Variants in TNNT2 observed in about 807,000 individuals in gnomAD.
The protein encoded by TNNT2 is troponin T, cardiac muscle.
TNNT2 carries 34 observed loss-of-function variants against 62.4 expected under a neutral mutation model. The ratio of observed to expected loss-of-function variants is 0.54; its 90% CI spans 0.41 to 0.72. The LOEUF is 0.72. Ranked by LOEUF, TNNT2 falls within the 30% of genes least tolerant of loss-of-function variation. The pLI, the probability that TNNT2 is intolerant of heterozygous loss-of-function variation, is 0.00. For missense variants in TNNT2, 275 were observed against 381.9 expected, an observed-to-expected ratio of 0.72 and a Z score of 2.33; for synonymous variants, 123 against 127.2, an observed-to-expected ratio of 0.97 and a Z score of 0.22.
intron 2 of TNNT2, among the ~76,000 whole-genome samples, chr1:201,372,670 T>TGAGGG (rs1306028472): frequency 6.6e-6 from 1 of 152,168 alleles, no homozygotes; most frequent in Non-Finnish European, 1.5e-5. Context: ...GTAAGTTCTG[T>TGAGGG]GAGGGCAGTA....
intron 12 of TNNT2, 58 bp downstream of exon 12, chr1:201,363,238 C>A: frequency 6.2e-7 from 1 of 1,612,568 alleles, no homozygotes; most frequent in Non-Finnish European, 8.5e-7. Context: ...GCAGTGGACA[C>A]CTCATTCCTC....
chr1:201,373,225 C>T lies in TNNT2; in HGVS notation c.30G>A (p.Glu10=), dbSNP rs1259369775. The change falls in exon 2 of 17, where the codon GAG becomes GAA. Residue 10 remains glutamate, a synonymous_variant. Coordinates refer to ENST00000656932, the MANE Select transcript of TNNT2 (RefSeq NM_001276345.2). ...CTCCAGATACTCACTCCTCCTCGTA[C>T]TCTTCCACCACCTCTTCTATGTCAG... The part of the protein sequence containing the change: MSDIEEVVE[E]YEEEEQEEAA... The T allele has an allele frequency of 6.2e-7, 1 of 1,614,200 alleles. No homozygotes were observed.
chr1:201,373,304 G>T, intron 1 of TNNT2, 36 bp from the exon 2 acceptor site: 14 of 1,592,168 alleles, frequency 8.8e-6, no homozygotes, highest in Non-Finnish European at 1.2e-5. Flanking sequence ...CAGGTACAAA[G>T]GGAAGCCTGC....
chr1:201,372,160 G>T lies in TNNT2; in HGVS notation c.42-5C>A. 6.2e-7 allele frequency: 1 copy of T among 1,614,120 alleles called. No homozygotes were observed. Among genetic ancestry groups the T allele is most frequent in the Non-Finnish European group, 8.5e-7 (1 of 1,180,026 alleles). ...TTACGCTTACCTTCCTGCTCCCTGA[G>T]AGCAACAGGAAACACTGTCAGTAGC... is the stretch of plus-strand genomic sequence containing the variant. On this transcript the variant is annotated splice_polypyrimidine_tract_variant and splice_region_variant and intron_variant, in intron 2 of 16. Transcript: ENST00000656932.
intron 8 of TNNT2, chr1:201,366,477 T>G: frequency 8.6e-7 from 1 of 1,169,382 alleles, no homozygotes; most frequent in Non-Finnish European, 1.1e-6. Flanking sequence ...GTTTCATTGT[T>G]TGGCTCCCCA....
At position 201,368,161 on chromosome 1, in the gene TNNT2, C is replaced by T. The variant is rs113051005; in HGVS notation, c.163+1G>A. 6.2e-7 allele frequency: 1 copy of T among 1,614,106 alleles called. No homozygotes were observed. Among genetic ancestry groups the T allele is most frequent in the Non-Finnish European group, 8.5e-7 (1 of 1,179,984 alleles). ...CCCTGCACCCTCAACCAGAGACTTACCTTCTGCCCTGGTCTCCTCGGTCTC... is the reference window on the plus strand; with the variant it reads ...CCCTGCACCCTCAACCAGAGACTTATCTTCTGCCCTGGTCTCCTCGGTCTC... On this transcript the variant is annotated splice_donor_variant, in intron 6 of 16. Coordinates refer to ENST00000656932, the MANE Select transcript of TNNT2 (RefSeq NM_001276345.2). LOFTEE classifies it high-confidence loss of function.
At chr1:201,370,974 A>G (rs908737293) in intron 4 of TNNT2, among the ~76,000 whole-genome samples, 1 of 152,200 alleles carries the variant, frequency 6.6e-6, no homozygotes, top group African/African-American at 2.4e-5. Context: ...ACCAAAAAAG[A>G]CGCCTGTGGC....
chr1:201,369,741 AG>A, intron 5 of TNNT2, 74 bp downstream of exon 5: 1 of 1,583,602 alleles, frequency 6.3e-7, no homozygotes, highest in East Asian at 2.2e-5. Context: ...CCCCCAGAAC[AG>A]GGCCCCTGGA....
chr1:201,366,817 C>T, intron 8 of TNNT2, 21 bp downstream of exon 8: 5 of 1,614,166 alleles, frequency 3.1e-6, no homozygotes, highest in Non-Finnish European at 4.2e-6. Context: ...CCCGGCTCTA[C>T]CCAGGTGCCT....
rs1473274678 is a variant in TNNT2, at chr1:201,372,072, GAAGA to G, written c.53-35_53-32del. Reference sequence around the variant, plus strand: ...CAGAAGAGAAGTCCAGGCAGCAAGAGAAGAGAGAAGAGGTGGGTCAGTTTCGAAC... The same window carrying G: ...CAGAAGAGAAGTCCAGGCAGCAAGAGGAGAAGAGGTGGGTCAGTTTCGAAC... On this transcript the variant is annotated intron_variant, in intron 3 of 16. Transcript: ENST00000656932. The G allele has an allele frequency of 2.5e-6, 4 of 1,613,558 alleles. No homozygotes were observed. In the African/African-American group the frequency reaches 5.3e-5, roughly 22 times the overall value.
intron 13 of TNNT2, 153 bp from the exon 14 acceptor site, chr1:201,362,175 G>T: frequency 8.6e-7 from 1 of 1,169,384 alleles, no homozygotes. Context: ...CCAACTACAT[G>T]TATTCCCTAG....
In TNNT2 at chr1:201,367,790, C is replaced by T; in HGVS notation, c.180G>A (p.Glu60=). ...ETRAEEDEEE[E]EAKEAEDGPM... is the part of the protein sequence containing the mutation. ...CCTTACCTTCAGCCTCCTTTGCTTC[C>T]TCTTCTTCTTCATCTTCTAAATGAA... The change falls in exon 7 of 17, where the codon GAG becomes GAA. Residue 60 remains glutamate, a synonymous_variant. Coordinates refer to ENST00000656932, the MANE Select transcript of TNNT2 (RefSeq NM_001276345.2). 6.2e-7 allele frequency: 1 copy of T among 1,614,112 alleles called. No homozygotes were observed. Among genetic ancestry groups the T allele is most frequent in the South Asian group, 1.1e-5 (1 of 91,074 alleles).
intron 12 of TNNT2, among the ~76,000 whole-genome samples, 182 bp from the exon 13 acceptor site, chr1:201,362,576 T>C (rs1658881673): frequency 6.6e-6 from 1 of 152,138 alleles, no homozygotes; most frequent in Non-Finnish European, 1.5e-5. Context: ...GGCTGTTCGG[T>C]AGCATGAAGA....
intron 8 of TNNT2, chr1:201,366,629 T>C: frequency 6.8e-7 from 1 of 1,460,882 alleles, no homozygotes; most frequent in Non-Finnish European, 9.0e-7. Context: ...GCACGATTGG[T>C]GATGGAGTGT....
intron 5 of TNNT2, 49 bp downstream of exon 5, chr1:201,369,767 T>G: frequency 6.2e-7 from 1 of 1,612,778 alleles, no homozygotes; most frequent in Non-Finnish European, 8.5e-7. Flanking sequence ...GAGGCTGCAC[T>G]TGGGACAGCA....
chr1:201,373,502 A>G (rs1660963998), intron 1 of TNNT2: 1 of 575,302 alleles, frequency 1.7e-6, no homozygotes, highest in Non-Finnish European at 3.1e-6. Flanking sequence ...TTGCCCCTGA[A>G]CAGGCAATAC....
chr1:201,374,392 CA>C (rs1335474010), intron 1 of TNNT2: 1 of 152,106 alleles, frequency 6.6e-6, no homozygotes, highest in African/African-American at 2.4e-5. Context: ...GTCTTTTTAA[CA>C]TCTCCAAACC....
intron 6 of TNNT2, 66 bp downstream of exon 6, chr1:201,368,096 C>T: frequency 6.5e-7 from 1 of 1,545,342 alleles, no homozygotes. Context: ...TTCTTACTGC[C>T]TCAGGAATGG....
rs374443596 is a variant in TNNT2, at chr1:201,372,138, C to T, written c.52+7G>A. 173 of 1,614,078 alleles carry T rather than the reference C, an allele frequency of 1.1e-4. 1 individual carries two copies. The highest frequency in any genetic ancestry group is 1.0e-3 in the East Asian group (46 of 44,902). ...TGATCCAAATGAGTACACACGTTTA[C>T]GCTTACCTTCCTGCTCCCTGAGAGC... On this transcript the variant is annotated splice_region_variant and intron_variant, in intron 3 of 16. Transcript: ENST00000656932.
Sources: allele counts gnomAD v4.1 joint callset (sites outside exome capture counted in the v4.1 genomes callset), GRCh38; gene constraint gnomAD v4.1.1; transcripts MANE v1.5; gene names NCBI Gene and HGNC (gene_info 2026-07-23, HGNC 2026-07-21).